The following CPNE4 variants were observed in gnomAD, a reference collection of about 807,000 sequenced individuals.
The protein encoded by CPNE4 is copine 4, also known as copine-4.
CPNE4 carries 25 observed loss-of-function variants against 67.9 expected under a neutral mutation model. The observed-to-expected ratio is 0.37, with a 90% CI of 0.27 to 0.51. The LOEUF is 0.51. CPNE4 is among the 20% of genes least tolerant of loss of function. The pLI is 0.93. For synonymous variants in CPNE4, 242 were observed against 244.9 expected (o/e 0.99, Z 0.11); for missense variants, 464 against 690.8 (o/e 0.67, Z 3.68).
At chr3:131,871,245 G>GA (rs942883410) in intron 2 of CPNE4, among the ~76,000 whole-genome samples, 5 of 152,094 alleles carry the variant, frequency 3.3e-5, no homozygotes, top group African/African-American at 1.2e-4. Context: ...ACTGAAGATG[G>GA]AACAGGAGAA....
intron 1 of CPNE4, among the ~76,000 whole-genome samples, chr3:132,021,004 T>C (rs1389672463): frequency 2.0e-5 from 3 of 152,196 alleles, no homozygotes; most frequent in Non-Finnish European, 4.4e-5. Flanking sequence ...GATAGCACTG[T>C]GACAGCAGAT....
At chr3:131,857,619 C>T (rs1432280988) in intron 2 of CPNE4, among the ~76,000 whole-genome samples, 1 of 152,016 alleles carries the variant, frequency 6.6e-6, no homozygotes, top group African/African-American at 2.4e-5. Context: ...TGACATTCTA[C>T]AGTTATAGAT....
chr3:131,680,483 G>C (rs569132387), intron 6 of CPNE4, among the ~76,000 whole-genome samples: 1 of 151,426 alleles, frequency 6.6e-6, no homozygotes, highest in Non-Finnish European at 1.5e-5. Context: ...TTGTCCCCCA[G>C]CTTTTTAACT....
rs926843588 is a variant in CPNE4, at chr3:131,559,417, A to G, written c.1062-3866T>C. ...AGCACTCATCCACAGGTCTATAAAC[A>G]AATTGGAAAAACACCCCATTATCTG... On this transcript the variant is annotated intron_variant, in intron 11 of 15. Coordinates refer to ENST00000429747, the MANE Select transcript of CPNE4 (RefSeq NM_130808.3). Among the ~76,000 whole-genome samples the G allele has an allele frequency of 3.9e-5, 6 of 151,982 alleles. No homozygotes were observed. In the East Asian group the frequency reaches 7.8e-4, roughly 20 times the overall value.
intron 1 of CPNE4, among the ~76,000 whole-genome samples, chr3:132,020,245 T>C (rs1040641994): frequency 6.6e-6 from 1 of 152,174 alleles, no homozygotes; most frequent in African/African-American, 2.4e-5. Context: ...TTACCACAGA[T>C]GGGAGGCAGG....
At chr3:131,543,039 A>T in intron 14 of CPNE4, 1 of 459,026 alleles carries the variant, frequency 2.2e-6, no homozygotes, top group Non-Finnish European at 3.9e-6. Flanking sequence ...ACAAAGAAAG[A>T]GCAGCAGGCC....
At chr3:131,637,503 A>T (rs796388348) in intron 7 of CPNE4, among the ~76,000 whole-genome samples, 41 of 152,308 alleles carry the variant, frequency 2.7e-4, no homozygotes, top group African/African-American at 9.9e-4. Context: ...AAGAAAAAAA[A>T]TTTTGTTAAT....
At chr3:131,612,444 C>T (rs1582890925) in intron 7 of CPNE4, among the ~76,000 whole-genome samples, 1 of 152,142 alleles carries the variant, frequency 6.6e-6, no homozygotes, top group East Asian at 1.9e-4. Context: ...CATGGTTGCA[C>T]ATGGCAATTG....
intron 2 of CPNE4, among the ~76,000 whole-genome samples, chr3:131,801,406 A>AC: frequency 2.3e-5 from 2 of 86,130 alleles, no homozygotes; most frequent in African/African-American, 7.6e-5. Context: ...ATATATAGGT[A>AC]CATATATACG....
rs372471752 is a variant in CPNE4 at position 131,951,798 on chromosome 3, C to T, written c.-1-46354G>A. Among the ~76,000 whole-genome samples the T allele has an allele frequency of 8.7e-3, 1,323 of 152,264 alleles. 21 individuals carry two copies. In the East Asian group the frequency reaches 0.093, roughly 11 times the overall value. ...CGGGCTGGTCTCCAGCTCCTAACCGCGAGTGATCCGCCAGCCTCGGCCTCC... is the reference window on the plus strand; with the variant it reads ...CGGGCTGGTCTCCAGCTCCTAACCGTGAGTGATCCGCCAGCCTCGGCCTCC... On this transcript the variant is annotated intron_variant, in intron 1 of 15. Transcript: ENST00000429747.
intron 3 of CPNE4, among the ~76,000 whole-genome samples, chr3:131,716,180 TTCACA>T (rs1462509679): frequency 2.0e-5 from 3 of 152,128 alleles, no homozygotes; most frequent in Non-Finnish European, 4.4e-5. Context: ...GTCCTGCTGT[TTCACA>T]AGGCTGAGTG....
intron 1 of CPNE4, among the ~76,000 whole-genome samples, chr3:131,997,307 T>C (rs2073318496): frequency 6.6e-6 from 1 of 152,166 alleles, no homozygotes; most frequent in Admixed American, 6.6e-5. Context: ...GCCCAAATAG[T>C]TCCATCTCCT....
chr3:131,588,051 C>T (rs1191307084), intron 7 of CPNE4, among the ~76,000 whole-genome samples: 1 of 151,852 alleles, frequency 6.6e-6, no homozygotes, highest in Non-Finnish European at 1.5e-5. Context: ...CCATATTAAT[C>T]ACATTTTTCT....
At chr3:131,951,896 G>A (rs1457761067) in intron 1 of CPNE4, among the ~76,000 whole-genome samples, 3 of 152,136 alleles carry the variant, frequency 2.0e-5, no homozygotes, top group Admixed American at 6.5e-5. Context: ...GTGCAGTGGT[G>A]TGATCTCGGC....
At chr3:131,678,368 A>C (rs1202834055) in intron 6 of CPNE4, among the ~76,000 whole-genome samples, 2 of 152,202 alleles carry the variant, frequency 1.3e-5, no homozygotes, top group African/African-American at 4.8e-5. Flanking sequence ...ATATAGGATC[A>C]TGTCATCTGC....
chr3:131,952,057 C>T (rs1354929468), intron 1 of CPNE4, among the ~76,000 whole-genome samples: 1 of 149,906 alleles, frequency 6.7e-6, no homozygotes, highest in Non-Finnish European at 1.5e-5. Context: ...CTCTGCCTGG[C>T]TGCCCAGTCT....
intron 1 of CPNE4, among the ~76,000 whole-genome samples, chr3:131,994,644 T>C (rs2073244030): frequency 6.6e-6 from 1 of 152,222 alleles, no homozygotes; most frequent in Admixed American, 6.5e-5. Context: ...CCCTATGTAC[T>C]GGGCCCTGAA....
At chr3:131,571,705 C>A (rs764184267) in intron 10 of CPNE4, among the ~76,000 whole-genome samples, 1 of 151,882 alleles carries the variant, frequency 6.6e-6, no homozygotes, top group African/African-American at 2.4e-5. Flanking sequence ...CTTCATCTCT[C>A]GTTCCCCCAT....
chr3:131,605,491 C>T (rs1376784964), intron 7 of CPNE4, among the ~76,000 whole-genome samples: 1 of 152,012 alleles, frequency 6.6e-6, no homozygotes, highest in Non-Finnish European at 1.5e-5. Context: ...TTTACTAAGC[C>T]CTAGAGCATT....
Sources: allele counts gnomAD v4.1 joint callset (sites outside exome capture counted in the v4.1 genomes callset), GRCh38; gene constraint gnomAD v4.1.1; transcripts MANE v1.5; gene names NCBI Gene and HGNC (gene_info 2026-07-23, HGNC 2026-07-21).